The following KALRN variants were observed in gnomAD, a reference collection of about 807,000 sequenced individuals.
The protein encoded by KALRN is kalirin.
A neutral mutation model predicts 353.7 loss-of-function variants in KALRN; 70 were observed. That is an observed-to-expected ratio of 0.20 (90% CI 0.16 to 0.24). KALRN has a LOEUF of 0.24. Ranked by LOEUF, KALRN falls within the 10% of genes least tolerant of loss-of-function variation. The pLI, the probability that KALRN is intolerant of heterozygous loss-of-function variation, is 1.00. For synonymous variants in KALRN, 1,391 were observed against 1,434.8 expected (o/e 0.97, Z 0.69); for missense variants, 2,791 against 3,756.7 (o/e 0.74, Z 6.72).
rs1005825249 is a variant in KALRN, at chr3:124,293,054, C to T, written c.970-5737C>T. 5.3e-5 allele frequency among the ~76,000 whole-genome samples: 8 copies of T among 152,184 alleles called. No homozygotes were observed. In the South Asian group the frequency reaches 1.2e-3, roughly 24 times the overall value. On this transcript the variant is annotated intron_variant, in intron 5 of 59. Transcript: ENST00000682506. ...CAATTTTATTTTGGAATTGACTGGG[C>T]GGCTAGTTTCCCAGATATAACAAGG...
chr3:124,678,399 G>T, intron 50 of KALRN, 86 bp downstream of exon 50: 1 of 1,475,944 alleles, frequency 6.8e-7, no homozygotes, highest in Non-Finnish European at 9.1e-7. Context: ...GGGTGGATGG[G>T]TTATTTTTTT....
At position 124,250,023 on chromosome 3, in the gene KALRN, C is replaced by T. The variant is rs557022973; in HGVS notation, c.264-14475C>T. 3.9e-5 allele frequency among the ~76,000 whole-genome samples: 6 copies of T among 152,268 alleles called. No homozygotes were observed. In the South Asian group the frequency reaches 8.3e-4, roughly 21 times the overall value. On this transcript the variant is annotated intron_variant, in intron 3 of 59. Transcript: ENST00000682506. ...GCCGCCTGCCCTGCAGGAAATAGAG[C>T]TCCTGCACTGGTTGGTAAAACCCAG...
chr3:124,109,741 T>C (rs13059820), intron 1 of KALRN, among the ~76,000 whole-genome samples: 65,034 of 110,904 alleles, frequency 0.59, 22,231 homozygotes, highest in Non-Finnish European at 0.75. Flanking sequence ...TTGATATATA[T>C]ATGACATATA....
intron 51 of KALRN, among the ~76,000 whole-genome samples, chr3:124,684,264 C>G (rs1209276135): frequency 6.6e-6 from 1 of 152,128 alleles, no homozygotes; most frequent in African/African-American, 2.4e-5. Context: ...CTACACCATC[C>G]TGCGGCCACT....
At chr3:124,092,914 T>A (rs2061206861) in intron 1 of KALRN, among the ~76,000 whole-genome samples, 1 of 152,120 alleles carries the variant, frequency 6.6e-6, no homozygotes, top group South Asian at 2.1e-4. Context: ...AAACACCGGG[T>A]TACTTCTCTC....
intron 32 of KALRN, 22 bp from the exon 33 acceptor site, chr3:124,496,289 T>G: frequency 4.4e-6 from 7 of 1,603,504 alleles, no homozygotes; most frequent in Non-Finnish European, 6.0e-6. Context: ...CCACCCCTGT[T>G]TTTTTTCTCT....
At chr3:124,234,142 A>T (rs1430094000) in intron 2 of KALRN, among the ~76,000 whole-genome samples, 1 of 152,174 alleles carries the variant, frequency 6.6e-6, no homozygotes, top group East Asian at 1.9e-4. Context: ...AACACTTGTA[A>T]TCTCAGTATG....
intron 1 of KALRN, among the ~76,000 whole-genome samples, chr3:124,151,312 C>T (rs2068075948): frequency 6.6e-6 from 1 of 152,206 alleles, no homozygotes; most frequent in African/African-American, 2.4e-5. Flanking sequence ...AGATAGAACA[C>T]TTCCCATTGT....
chr3:124,381,550 A>C (rs2087383971), intron 10 of KALRN, among the ~76,000 whole-genome samples: 1 of 152,190 alleles, frequency 6.6e-6, no homozygotes, highest in Non-Finnish European at 1.5e-5. Context: ...CTGAGGGCCC[A>C]GCTTTAACAC....
intron 1 of KALRN, among the ~76,000 whole-genome samples, chr3:124,221,139 C>T (rs2077861708): frequency 2.0e-5 from 3 of 152,214 alleles, no homozygotes; most frequent in Non-Finnish European, 4.4e-5. Context: ...CTTTTCATCA[C>T]CCCCTAACTC....
At chr3:124,463,749 A>C (rs990431992) in intron 25 of KALRN, among the ~76,000 whole-genome samples, 6 of 152,164 alleles carry the variant, frequency 3.9e-5, no homozygotes, top group Non-Finnish European at 7.4e-5. Context: ...CCTGGGCTGT[A>C]ATAGGTCCAG....
intron 1 of KALRN, among the ~76,000 whole-genome samples, chr3:124,071,042 A>C (rs1233979435): frequency 6.6e-6 from 1 of 151,808 alleles, no homozygotes; most frequent in African/African-American, 2.4e-5. Context: ...GTTTCTATTC[A>C]TGTTTAAACC....
At chr3:124,554,250 G>A (rs2070926616) in intron 33 of KALRN, among the ~76,000 whole-genome samples, 1 of 152,190 alleles carries the variant, frequency 6.6e-6, no homozygotes, top group African/African-American at 2.4e-5. Flanking sequence ...CAGCTACTTG[G>A]GAGGCAGAGG....
chr3:124,646,331 T>C (rs1277044881), intron 37 of KALRN, among the ~76,000 whole-genome samples: 1 of 151,812 alleles, frequency 6.6e-6, no homozygotes, highest in Non-Finnish European at 1.5e-5. Flanking sequence ...TGGAAATCAT[T>C]TCCTCTTAGA....
rs1161734158 is a variant in KALRN at position 124,465,709 on chromosome 3, T to C, written c.4031+3076T>C. ...GATGCTTTTTAACCCCAATTGTTTGTATTATTCCAAAGTTGCAATTAAGCA... is the reference window on the plus strand; with the variant it reads ...GATGCTTTTTAACCCCAATTGTTTGCATTATTCCAAAGTTGCAATTAAGCA... On this transcript the variant is annotated intron_variant, in intron 25 of 59. Transcript: ENST00000682506. Among the ~76,000 whole-genome samples the C allele has an allele frequency of 2.6e-5, 4 of 152,334 alleles. No homozygotes were observed. In the East Asian group the frequency reaches 7.7e-4, roughly 29 times the overall value.
chr3:124,569,113 G>T (rs758394740), intron 34 of KALRN, among the ~76,000 whole-genome samples: 4 of 152,120 alleles, frequency 2.6e-5, no homozygotes, highest in Non-Finnish European at 4.4e-5. Flanking sequence ...TGGGGCTGAG[G>T]GTCTGGAGAA....
At chr3:124,367,643 A>G (rs2085065799) in intron 10 of KALRN, among the ~76,000 whole-genome samples, 1 of 13,374 alleles carries the variant, frequency 7.5e-5, no homozygotes, top group Admixed American at 7.2e-4. Flanking sequence ...TGGGGGGCTG[A>G]CCGCCCCCAC....
intron 3 of KALRN, among the ~76,000 whole-genome samples, chr3:124,243,640 G>T (rs1364894784): frequency 6.6e-6 from 1 of 152,174 alleles, no homozygotes; most frequent in Non-Finnish European, 1.5e-5. Context: ...AGAATGGGCT[G>T]CAGGGAAAAA....
At chr3:124,085,455 A>G (rs2060763918) in intron 1 of KALRN, among the ~76,000 whole-genome samples, 1 of 152,214 alleles carries the variant, frequency 6.6e-6, no homozygotes, top group African/African-American at 2.4e-5. Flanking sequence ...CTCTTGTGGT[A>G]AATAAGGGAT....
Sources: gnomAD v4.1 joint callset for allele counts (sites outside exome capture counted in the v4.1 genomes callset) on GRCh38, gnomAD v4.1.1 for gene constraint, MANE v1.5 for transcripts, NCBI Gene and HGNC (gene_info 2026-07-23, HGNC 2026-07-21) for gene names.